The following TMEM68 variants were observed in gnomAD, a reference collection of about 807,000 sequenced individuals.
TMEM68 encodes DGAT1/2-independent enzyme synthesizing storage lipids.
In TMEM68, 25 loss-of-function variants were observed where a neutral mutation model predicts 36.9. The ratio of observed to expected loss-of-function variants is 0.68; its 90% CI spans 0.49 to 0.95. The LOEUF (loss-of-function observed/expected upper bound fraction) is 0.95. Ranked by LOEUF, TMEM68 falls within the 40% of genes least tolerant of loss-of-function variation. The pLI, the probability that TMEM68 is intolerant of heterozygous loss-of-function variation, is 0.00. For synonymous variants in TMEM68, 131 were observed against 124.4 expected (o/e 1.05, Z -0.35); for missense variants, 333 against 392.0 (o/e 0.85, Z 1.27).
chr8:55,770,877 C>T (rs1811132980), intron 1 of TMEM68, among the ~76,000 whole-genome samples: 2 of 152,108 alleles, frequency 1.3e-5, no homozygotes, highest in Non-Finnish European at 2.9e-5. Flanking sequence ...TAGACAAGGC[C>T]ACGCGCGGTG....
intron 5 of TMEM68, among the ~76,000 whole-genome samples, chr8:55,749,849 T>C (rs1288600247): frequency 6.6e-6 from 1 of 152,208 alleles, no homozygotes; most frequent in Non-Finnish European, 1.5e-5. Flanking sequence ...CTTTCTAAAG[T>C]TTTATATAAA....
intron 3 of TMEM68, among the ~76,000 whole-genome samples, chr8:55,756,731 T>C (rs1229487979): frequency 6.6e-6 from 1 of 151,784 alleles, no homozygotes; most frequent in African/African-American, 2.4e-5. Flanking sequence ...ACGAGGGCAC[T>C]GCACAGAAGA....
At chr8:55,769,315 C>T (rs1811077840) in intron 1 of TMEM68, among the ~76,000 whole-genome samples, 1 of 45,656 alleles carries the variant, frequency 2.2e-5, no homozygotes, top group Non-Finnish European at 4.3e-5. Flanking sequence ...GAATGAGAAT[C>T]CCATCTCAAA....
rs1284234594 is a variant in TMEM68 at position 55,754,958 on chromosome 8, C to T, written c.493+1286G>A. 1.1e-3 allele frequency among the ~76,000 whole-genome samples: 151 copies of T among 135,620 alleles called. 3 individuals are homozygous for T. The highest frequency in any genetic ancestry group is 1.7e-3 in the Non-Finnish European group (111 of 64,000). 89.0% of individuals were successfully genotyped at this position (135,620 alleles called of 152,430 possible). On this transcript the variant is annotated intron_variant, in intron 4 of 7. Transcript: ENST00000434581. ...ATATATATTTATACACACACACACA[C>T]ACACACACACACACACACATAGCCT...
chr8:55,743,579 C>T lies in TMEM68; in HGVS notation c.790G>A (p.Ala264Thr). 2.6e-6 allele frequency: 4 copies of T among 1,535,680 alleles called. No homozygotes were observed. The highest frequency in any genetic ancestry group is 3.5e-6 in the Non-Finnish European group (4 of 1,146,714). The change falls in exon 7 of 8, where the codon GCT (alanine) becomes ACT (threonine). Residue 264 changes from alanine (A) to threonine (T), a missense_variant. Transcript: ENST00000434581. ...WLYEKFRYPF[A>T]PMYGGFPVKL... ...ACTGGAAAACCTCCATACATTGGAGCAAATGGATAGCGGAATTTTTCATAA... is the reference window on the plus strand; with the variant it reads ...ACTGGAAAACCTCCATACATTGGAGTAAATGGATAGCGGAATTTTTCATAA...
At chr8:55,756,521 G>T in intron 3 of TMEM68, 110 bp from the exon 4 acceptor site, 2 of 940,272 alleles carry the variant, frequency 2.1e-6, no homozygotes, top group Non-Finnish European at 3.1e-6. Flanking sequence ...AGTCTTCCTG[G>T]TTCTCTTCCC....
Position 55,743,499 on chromosome 8 carries a change from C to T in TMEM68, c.870G>A (p.Ala290=), listed in dbSNP as rs180765737. The T allele has an allele frequency of 6.9e-5, 106 of 1,531,188 alleles. No homozygotes were observed. The East Asian group carries it at 8.1e-4, about 12-fold the overall frequency. The allele number at this position is 1,531,188 out of a possible 1,614,324, so 94.9% of individuals were successfully genotyped here. A position where few individuals can be genotyped will look rare whatever the true frequency, so the allele number is the denominator to read the frequency against. The change falls in exon 7 of 8, where the codon GCG becomes GCA. Residue 290 remains alanine, a synonymous_variant. Coordinates refer to ENST00000434581, the MANE Select transcript of TMEM68 (RefSeq NM_001286657.2). ...AATTTACCTTTTCAGCTAATTCTTC[C>T]GCTGTTATCTGTGGGTCATACGGAA... ...DPIPYDPQIT[A]EELAEKTKNA...
intron 7 of TMEM68, among the ~76,000 whole-genome samples, chr8:55,742,110 C>G (rs1475277589): frequency 6.6e-6 from 1 of 152,056 alleles, no homozygotes; most frequent in Non-Finnish European, 1.5e-5. Context: ...ATAGATGAAC[C>G]TTGAGGACAT....
At chr8:55,745,601 C>G (rs1224929961) in intron 5 of TMEM68, 2 of 152,146 alleles carry the variant, frequency 1.3e-5, no homozygotes, top group Non-Finnish European at 2.9e-5. Flanking sequence ...ATTAATTTCA[C>G]TAAATAAAAT....
At position 55,751,065 on chromosome 8, in the gene TMEM68, A is replaced by G. The variant is rs757446685; in HGVS notation, c.586T>C (p.Ser196Pro). ...ILRSGHLLAI[S>P]PGGVREALIS... ...AGGGCTTCTCGAACTCCACCTGGTG[A>G]GATAGCTAACAAGTGGCCACTCCTC... The change falls in exon 5 of 8, where the codon TCA (serine) becomes CCA (proline). Residue 196 changes from serine (S) to proline (P), a missense_variant. Physicochemically the swap from Ser to Pro is moderately conservative, Grantham distance 74. Transcript: ENST00000434581. The G allele has an allele frequency of 6.2e-7, 1 of 1,614,124 alleles. No homozygotes were observed.
At position 55,763,947 on chromosome 8, in the gene TMEM68, T is replaced by C. The variant is rs1810884813; in HGVS notation, c.-81A>G. ...GTCATTGGACTTACCAGAAGTTAGATAAATATCTTGTCCCAAACTTCAATG... is the reference window on the plus strand; with the variant it reads ...GTCATTGGACTTACCAGAAGTTAGACAAATATCTTGTCCCAAACTTCAATG... On this transcript the variant is annotated 5_prime_UTR_variant, in exon 2 of 8. Coordinates refer to ENST00000434581, the MANE Select transcript of TMEM68 (RefSeq NM_001286657.2). 1 of 152,238 alleles carries C rather than the reference T, an allele frequency of 6.6e-6. No homozygotes were observed. The highest frequency in any genetic ancestry group is 1.5e-5 in the Non-Finnish European group (1 of 68,048). 9.4% of individuals were successfully genotyped at this position (152,238 alleles called of 1,614,324 possible).
intron 5 of TMEM68, 190 bp from the exon 6 acceptor site, chr8:55,745,311 T>C (rs376528827): frequency 4.0e-4 from 135 of 340,130 alleles, no homozygotes; most frequent in African/African-American, 2.5e-3. Flanking sequence ...AGTATTGGCA[T>C]GGGAGAAAGA....
intron 5 of TMEM68, among the ~76,000 whole-genome samples, chr8:55,749,757 T>A (rs898563207): frequency 2.0e-5 from 3 of 152,186 alleles, no homozygotes; most frequent in African/African-American, 7.2e-5. Flanking sequence ...AAAAGTGCTA[T>A]GAGATGTTGG....
intron 1 of TMEM68, among the ~76,000 whole-genome samples, chr8:55,771,868 A>G (rs1389262559): frequency 6.6e-6 from 1 of 152,206 alleles, no homozygotes; most frequent in African/African-American, 2.4e-5. Context: ...GCAATTTAGT[A>G]TTTGTCAAGA....
rs1810013400 is a variant in TMEM68, at chr8:55,738,856, A to G, written c.*1276T>C. On this transcript the variant is annotated 3_prime_UTR_variant, in exon 8 of 8. Coordinates refer to ENST00000434581, the MANE Select transcript of TMEM68 (RefSeq NM_001286657.2). ...AAACCCTACTAATTCAACATTTAAA[A>G]AAGGGAGAGGGAGATACTGCATTTG... The G allele has an allele frequency of 6.6e-6, 1 of 152,656 alleles. No homozygotes were observed. Among genetic ancestry groups the G allele is most frequent in the Admixed American group, 6.5e-5 (1 of 15,278 alleles). The allele number at this position is 152,656 out of a possible 1,614,324, so 9.5% of individuals were successfully genotyped here.
chr8:55,758,851 G>T (rs933986191), intron 3 of TMEM68, among the ~76,000 whole-genome samples: 9 of 151,912 alleles, frequency 5.9e-5, no homozygotes, highest in Admixed American at 2.0e-4. Flanking sequence ...TAGTGGAAAA[G>T]GTGGATACAT....
intron 6 of TMEM68, among the ~76,000 whole-genome samples, chr8:55,744,148 T>C (rs1299146649): frequency 1.3e-5 from 2 of 151,046 alleles, no homozygotes; most frequent in Non-Finnish European, 2.9e-5. Flanking sequence ...TATGAGACTA[T>C]AATGCAAAAT....
In TMEM68 at chr8:55,754,944, TAC is replaced by T. The variant is rs71256561; in HGVS notation, c.493+1298_493+1299del. Among the ~76,000 whole-genome samples, 1,069 of 134,876 alleles carry T rather than the reference TAC, an allele frequency of 7.9e-3. 18 individuals carry two copies. Among genetic ancestry groups the T allele is most frequent in the African/African-American group, 0.027 (968 of 35,626 alleles). The allele number at this position is 134,876 out of a possible 152,430, so 88.5% of individuals were successfully genotyped here. ...ATTTATATATATTTATATATATTTA[TAC>T]ACACACACACACACACACACACACA... On this transcript the variant is annotated intron_variant, in intron 4 of 7. Coordinates refer to ENST00000434581, the MANE Select transcript of TMEM68 (RefSeq NM_001286657.2).
intron 4 of TMEM68, chr8:55,751,652 T>C (rs1162890712): frequency 1.5e-5 from 4 of 264,742 alleles, no homozygotes; most frequent in Non-Finnish European, 2.2e-5. Flanking sequence ...AGTTAGATAA[T>C]GCTAATTCTA....
Sources: gnomAD v4.1 joint callset for allele counts (sites outside exome capture counted in the v4.1 genomes callset) on GRCh38, gnomAD v4.1.1 for gene constraint, MANE v1.5 for transcripts, NCBI Gene and HGNC (gene_info 2026-07-23, HGNC 2026-07-21) for gene names.